The following TCF4 variants were observed in gnomAD, a reference collection of about 807,000 sequenced individuals.
TCF4 encodes SL3-3 enhancer factor 2.
In TCF4, 3 loss-of-function variants were observed where a neutral mutation model predicts 82.1. That is an observed-to-expected ratio of 0.04 (90% confidence interval 0.02 to 0.09). The LOEUF (loss-of-function observed/expected upper bound fraction) is 0.09, where lower values mean the gene tolerates loss of function less well. Among genes scored for constraint, TCF4 ranks in the 10% least tolerant of loss-of-function variants. TCF4 has a pLI of 1.00. For missense variants in TCF4, 518 were observed against 852.7 expected (o/e 0.61, Z 4.89); for synonymous variants, 276 against 309.6 (o/e 0.89, Z 1.14).
At chr18:55,399,538 T>C (rs1322907513) in intron 6 of TCF4, among the ~76,000 whole-genome samples, 1 of 152,192 alleles carries the variant, frequency 6.6e-6, no homozygotes, top group Admixed American at 6.6e-5. Flanking sequence ...TGGAATTCTA[T>C]ATAAAGATTT....
chr18:55,315,478 G>C (rs939167490), intron 8 of TCF4, among the ~76,000 whole-genome samples: 9 of 152,078 alleles, frequency 5.9e-5, no homozygotes, highest in African/African-American at 2.2e-4. Flanking sequence ...AAATACATCT[G>C]CAAATAAAAG....
chr18:55,538,441 T>C (rs150058249), intron 3 of TCF4, among the ~76,000 whole-genome samples: 100 of 152,334 alleles, frequency 6.6e-4, no homozygotes, highest in African/African-American at 2.1e-3. Flanking sequence ...TATTTGAATA[T>C]ATGTAAAACT....
At chr18:55,425,474 G>A (rs1213733133) in intron 5 of TCF4, among the ~76,000 whole-genome samples, 1 of 148,524 alleles carries the variant, frequency 6.7e-6, no homozygotes, top group Non-Finnish European at 1.5e-5. Flanking sequence ...TAATTTTTAT[G>A]CTTAGTCCTT....
intron 6 of TCF4, among the ~76,000 whole-genome samples, chr18:55,391,971 T>G (rs1347582426): frequency 1.0e-4 from 10 of 95,544 alleles, no homozygotes; most frequent in Non-Finnish European, 1.3e-4. Flanking sequence ...TTTTTTTTTT[T>G]TTTTTTTTTT....
intron 8 of TCF4, chr18:55,302,653 C>A: frequency 6.8e-7 from 1 of 1,479,196 alleles, no homozygotes; most frequent in Non-Finnish European, 9.0e-7. Context: ...GCTGTGAGGC[C>A]TGTGGCTGGC....
chr18:55,585,424 C>T, intron 2 of TCF4, 72 bp from the exon 3 acceptor site: 1 of 1,333,792 alleles, frequency 7.5e-7, no homozygotes, highest in Non-Finnish European at 1.1e-6. Context: ...AAAGATCTTT[C>T]ATACTGTTAC....
intron 3 of TCF4, among the ~76,000 whole-genome samples, chr18:55,508,735 G>A (rs12956276): frequency 0.29 from 44,460 of 151,884 alleles, 7,688 homozygotes; most frequent in East Asian, 0.52. Flanking sequence ...ACCAGAAATC[G>A]GCACAGTAAA....
chr18:55,489,162 T>C (rs1413302726), intron 3 of TCF4, among the ~76,000 whole-genome samples: 1 of 152,152 alleles, frequency 6.6e-6, no homozygotes, highest in Non-Finnish European at 1.5e-5. Context: ...GGGGCATCAG[T>C]TAGAGCCACA....
At chr18:55,329,249 A>G (rs914668565) in intron 8 of TCF4, among the ~76,000 whole-genome samples, 2 of 152,082 alleles carry the variant, frequency 1.3e-5, no homozygotes, top group Non-Finnish European at 2.9e-5. Context: ...TAATCTAAAT[A>G]TGGTGTTCTT....
chr18:55,597,844 CT>C (rs1231156750), intron 2 of TCF4, among the ~76,000 whole-genome samples: 1 of 152,142 alleles, frequency 6.6e-6, no homozygotes, highest in East Asian at 1.9e-4. Flanking sequence ...CCCCACCTAA[CT>C]TTTCCAACTT....
At chr18:55,606,465 C>T (rs2097702340) in intron 2 of TCF4, among the ~76,000 whole-genome samples, 1 of 152,282 alleles carries the variant, frequency 6.6e-6, no homozygotes, top group East Asian at 1.9e-4. Context: ...AAGCTATCTA[C>T]TTTCTTTCAA....
intron 14 of TCF4, among the ~76,000 whole-genome samples, chr18:55,255,745 G>A (rs146932603): frequency 1.3e-5 from 2 of 152,178 alleles, no homozygotes; most frequent in Non-Finnish European, 2.9e-5. Context: ...AATTAGTTAC[G>A]TAGTGTCACA....
chr18:55,427,083 G>A (rs1488685312), intron 5 of TCF4, among the ~76,000 whole-genome samples: 2 of 152,080 alleles, frequency 1.3e-5, no homozygotes, highest in Admixed American at 6.6e-5. Flanking sequence ...ATATAAGGGG[G>A]AAAAAAACTT....
chr18:55,351,655 C>T, intron 6 of TCF4: 1 of 198,672 alleles, frequency 5.0e-6, no homozygotes, highest in Non-Finnish European at 9.1e-6. Flanking sequence ...AGACACATCC[C>T]ACAGATTAAA....
In TCF4 at chr18:55,575,704, G is replaced by C. The variant is rs375154614; in HGVS notation, c.145+9576C>G. On this transcript the variant is annotated intron_variant, in intron 3 of 19. Coordinates refer to ENST00000354452, the MANE Select transcript of TCF4 (RefSeq NM_001083962.2). ...ACACACATGCTAAGTTAAGATACTTGCAGGTCACAGAGAGAAAGACACTTT... is the reference window on the plus strand; with the variant it reads ...ACACACATGCTAAGTTAAGATACTTCCAGGTCACAGAGAGAAAGACACTTT... 9.2e-5 allele frequency among the ~76,000 whole-genome samples: 14 copies of C among 152,160 alleles called. No individual in the cohort carries two copies. The East Asian group carries it at 1.4e-3, about 15-fold the overall frequency.
At chr18:55,510,680 G>T in intron 3 of TCF4, 1 of 1,473,764 alleles carries the variant, frequency 6.8e-7, no homozygotes, top group Non-Finnish European at 9.0e-7. Flanking sequence ...TAAAGTTTGT[G>T]AACTGAGACC....
At chr18:55,407,072 G>A (rs1267230833) in intron 5 of TCF4, among the ~76,000 whole-genome samples, 1 of 152,068 alleles carries the variant, frequency 6.6e-6, no homozygotes, top group Non-Finnish European at 1.5e-5. Context: ...CATAAAGATG[G>A]GGTTGGTGCG....
chr18:55,278,822 C>T (rs2061966613), intron 9 of TCF4, among the ~76,000 whole-genome samples: 1 of 20,176 alleles, frequency 5.0e-5, no homozygotes, highest in Non-Finnish European at 7.8e-5. Flanking sequence ...CCTGCCTTGG[C>T]CTCCCAAGTG....
intron 3 of TCF4, among the ~76,000 whole-genome samples, chr18:55,467,185 A>T (rs2096047806): frequency 6.6e-6 from 1 of 152,218 alleles, no homozygotes. Context: ...CATAGAAGAC[A>T]CTATAAACTA....
Sources: gnomAD v4.1 joint callset for allele counts (sites outside exome capture counted in the v4.1 genomes callset) on GRCh38, gnomAD v4.1.1 for gene constraint, MANE v1.5 for transcripts, NCBI Gene and HGNC (gene_info 2026-07-23, HGNC 2026-07-21) for gene names.